The following CD4 variants were observed in gnomAD, a reference collection of about 807,000 sequenced individuals.
CD4 encodes T-cell surface glycoprotein CD4.
A neutral mutation model predicts 50.5 loss-of-function variants in CD4; 25 were observed. The observed-to-expected ratio is 0.49, with a 90% CI of 0.36 to 0.69. The LOEUF (loss-of-function observed/expected upper bound fraction) is 0.69. Among genes scored for constraint, CD4 ranks in the 30% least tolerant of loss-of-function variants. The pLI, the probability that CD4 is intolerant of heterozygous loss-of-function variation, is 0.00. For synonymous variants in CD4, 207 were observed against 221.9 expected, an observed-to-expected ratio of 0.93 and a Z score of 0.60; for missense variants, 456 against 548.5, an observed-to-expected ratio of 0.83 and a Z score of 1.68.
At chr12:6,796,081 C>T (rs1399131807) in intron 1 of CD4, among the ~76,000 whole-genome samples, 7 of 152,190 alleles carry the variant, frequency 4.6e-5, no homozygotes, top group Non-Finnish European at 1.0e-4. Flanking sequence ...CAGTGACTTT[C>T]GCTCCTCCAT....
chr12:6,815,297 T>C (rs1555117742), intron 5 of CD4, among the ~76,000 whole-genome samples: 1 of 152,106 alleles, frequency 6.6e-6, no homozygotes, highest in African/African-American at 2.4e-5. Context: ...GCTTACTTTC[T>C]TTGTTGCCTC....
At position 6,816,041 on chromosome 12, in the gene CD4, C is replaced by T. The variant is rs782656352; in HGVS notation, c.608-15C>T. 3.1e-6 allele frequency: 5 copies of T among 1,613,996 alleles called. No homozygotes were observed. In the South Asian group the frequency reaches 3.3e-5, roughly 11 times the overall value. Reference sequence around the variant, plus strand: ...CCTATCTCCTCACCCAGGGTCTCTCCCTTCCCACCTCCAGCTTTCCAGAAG... The same window carrying T: ...CCTATCTCCTCACCCAGGGTCTCTCTCTTCCCACCTCCAGCTTTCCAGAAG... On this transcript the variant is annotated splice_polypyrimidine_tract_variant and intron_variant, in intron 5 of 9. Transcript: ENST00000011653. The surrounding 1 kb of genome is among the most constrained non-coding windows in gnomAD (Gnocchi z 4.9).
rs890348119 is a variant in CD4, at chr12:6,820,753, C to G, written c.*1424C>G. 6.6e-6 allele frequency: 1 copy of G among 152,454 alleles called. No individual in the cohort carries two copies. The highest frequency in any genetic ancestry group is 2.4e-5 in the African/African-American group (1 of 41,392). 9.4% of individuals were successfully genotyped at this position (152,454 alleles called of 1,614,324 possible). ...TGCTTACTTTGCATTTGTGCCCACTCTCCACCCCTGCTCCCCTGAGCTGAA... is the reference window on the plus strand; with the variant it reads ...TGCTTACTTTGCATTTGTGCCCACTGTCCACCCCTGCTCCCCTGAGCTGAA... On this transcript the variant is annotated 3_prime_UTR_variant, in exon 10 of 10. Coordinates refer to ENST00000011653, the MANE Select transcript of CD4 (RefSeq NM_000616.5).
intron 7 of CD4, among the ~76,000 whole-genome samples, chr12:6,817,653 C>T (rs1471744019): frequency 6.6e-6 from 1 of 152,040 alleles, no homozygotes; most frequent in Non-Finnish European, 1.5e-5. Flanking sequence ...TCCAGACGCA[C>T]TTACACACAC....
At chr12:6,809,133 C>T (rs782706946) in intron 3 of CD4, among the ~76,000 whole-genome samples, 71 of 152,276 alleles carry the variant, frequency 4.7e-4, no homozygotes, top group African/African-American at 1.6e-3. Context: ...AACACAGAGT[C>T]ATGTTTTTTT....
Position 6,820,484 on chromosome 12 carries a change from A to G in CD4, c.*1155A>G, listed in dbSNP as rs1299443470. On this transcript the variant is annotated 3_prime_UTR_variant, in exon 10 of 10. Coordinates refer to ENST00000011653, the MANE Select transcript of CD4 (RefSeq NM_000616.5). ...GAGGGAACCCTCTAAGGGACCTCAA[A>G]GGTGATTGTGCCAGGCTCTGCGCCT... 1 of 152,294 alleles carries G rather than the reference A, an allele frequency of 6.6e-6. No individual in the cohort carries two copies. Among genetic ancestry groups the G allele is most frequent in the African/African-American group, 2.4e-5 (1 of 41,440 alleles). 9.4% of individuals were successfully genotyped at this position (152,294 alleles called of 1,614,324 possible).
rs782641002 is a variant in CD4 at position 6,800,119 on chromosome 12, C to A, written c.-20C>A. The A allele has an allele frequency of 6.8e-6, 11 of 1,613,380 alleles. No individual in the cohort carries two copies. Among genetic ancestry groups the A allele is most frequent in the Non-Finnish European group, 9.3e-6 (11 of 1,179,488 alleles). Reference sequence around the variant, plus strand: ...AGGTCCCTACTGGCTCAGGCCCCTGCCTCCCTCGGCAAGGCCACAATGAAC... The same window carrying A: ...AGGTCCCTACTGGCTCAGGCCCCTGACTCCCTCGGCAAGGCCACAATGAAC... On this transcript the variant is annotated 5_prime_UTR_variant, in exon 2 of 10. Transcript: ENST00000011653.
intron 3 of CD4, among the ~76,000 whole-genome samples, chr12:6,810,410 T>C (rs1942903506): frequency 6.6e-6 from 1 of 152,108 alleles, no homozygotes; most frequent in African/African-American, 2.4e-5. Flanking sequence ...CCAATTGCGT[T>C]TGGGGTGATG....
rs1565503145 is a variant in CD4, at chr12:6,818,556, C to T, written c.1278+14C>T. ...CGGCACCGAAGGGTGAGTAACCCCA[C>T]ACCTGGTCCCCACAAGGCCCTCAAA... On this transcript the variant is annotated intron_variant, in intron 8 of 9. Coordinates refer to ENST00000011653, the MANE Select transcript of CD4 (RefSeq NM_000616.5). The surrounding 1 kb of genome is among the most constrained non-coding windows in gnomAD (Gnocchi z 5.0). 2.5e-6 allele frequency: 4 copies of T among 1,612,244 alleles called. No individual in the cohort carries two copies. The highest frequency in any genetic ancestry group is 3.4e-6 in the Non-Finnish European group (4 of 1,179,976).
chr12:6,807,614 G>A (rs1942805428), intron 3 of CD4, among the ~76,000 whole-genome samples: 1 of 152,134 alleles, frequency 6.6e-6, no homozygotes, highest in Non-Finnish European at 1.5e-5. Context: ...CAACCTTATG[G>A]CGCCGGAAAT....
chr12:6,817,831 T>C (rs1055388766), intron 7 of CD4, among the ~76,000 whole-genome samples: 4 of 148,800 alleles, frequency 2.7e-5, no homozygotes, highest in African/African-American at 7.6e-5. Flanking sequence ...TCACACACTG[T>C]CACACACTCA....
chr12:6,791,446 T>TC, intron 1 of CD4, among the ~76,000 whole-genome samples: 1 of 152,300 alleles, frequency 6.6e-6, no homozygotes, highest in South Asian at 2.1e-4. Flanking sequence ...TTTCACTATG[T>TC]TGGACAGGCT....
At chr12:6,810,407 C>A (rs782339967) in intron 3 of CD4, among the ~76,000 whole-genome samples, 3 of 152,092 alleles carry the variant, frequency 2.0e-5, no homozygotes, top group African/African-American at 7.2e-5. Context: ...GAACCAATTG[C>A]GTTTGGGGTG....
At chr12:6,797,895 G>C (rs1002395209) in intron 1 of CD4, among the ~76,000 whole-genome samples, 1 of 152,192 alleles carries the variant, frequency 6.6e-6, no homozygotes, top group Non-Finnish European at 1.5e-5. Flanking sequence ...GCAGGAGACA[G>C]ATGCCTTCCT....
At chr12:6,803,861 C>T (rs2137875094) in intron 3 of CD4, among the ~76,000 whole-genome samples, 1 of 151,496 alleles carries the variant, frequency 6.6e-6, no homozygotes, top group African/African-American at 2.4e-5. Flanking sequence ...CCTGTAATCC[C>T]AGCACTTTGG....
chr12:6,792,533 C>T lies in CD4; in HGVS notation c.-68+2871C>T, dbSNP rs1422906115. Among the ~76,000 whole-genome samples the T allele has an allele frequency of 6.6e-6, 1 of 152,154 alleles. No individual in the cohort carries two copies. The highest frequency in any genetic ancestry group is 1.5e-5 in the Non-Finnish European group (1 of 68,026). On this transcript the variant is annotated intron_variant, in intron 1 of 9. Transcript: ENST00000011653. This position sits in a 1 kb window ranked among gnomAD's most constrained non-coding sequence, Gnocchi z 4.1. ...AGCTGCTCCAGGTCTCTCTCTCCCA[C>T]ATCTTTCCCTCCCCTCCTCCCTTGA...
chr12:6,809,952 C>T (rs748293173), intron 3 of CD4, among the ~76,000 whole-genome samples: 1 of 146,934 alleles, frequency 6.8e-6, no homozygotes, highest in South Asian at 2.2e-4. Context: ...TGCAGTGGCG[C>T]GATCTCGGCT....
chr12:6,813,304 A>C, intron 3 of CD4, among the ~76,000 whole-genome samples: 1 of 145,316 alleles, frequency 6.9e-6, no homozygotes, highest in African/African-American at 2.6e-5. Context: ...CAATCTTTCC[A>C]CCTCGATCTT....
rs782196918 is a variant in CD4, at chr12:6,802,030, T to C, written c.214+1559T>C. Among the ~76,000 whole-genome samples, 8 of 151,932 alleles carry C rather than the reference T, an allele frequency of 5.3e-5. No homozygotes were observed. The South Asian group carries it at 1.0e-3, about 20-fold the overall frequency. On this transcript the variant is annotated intron_variant, in intron 3 of 9. Coordinates refer to ENST00000011653, the MANE Select transcript of CD4 (RefSeq NM_000616.5). ...CTGGGACTACAGGCGTGTGCCACCA[T>C]GCCCGGCTAATTTGCGTATTTTTAG...
Sources: gnomAD v4.1 joint callset for allele counts (sites outside exome capture counted in the v4.1 genomes callset) on GRCh38, gnomAD v4.1.1 for gene constraint, Gnocchi (gnomAD v3.1) non-coding constraint, MANE v1.5 for transcripts, NCBI Gene and HGNC (gene_info 2026-07-23, HGNC 2026-07-21) for gene names.